Variants in GALNT13 observed in about 807,000 individuals in gnomAD.
The protein encoded by GALNT13 is UDP-GalNAc:polypeptide N-acetylgalactosaminyltransferase 13.
A neutral mutation model predicts 64.2 loss-of-function variants in GALNT13; 28 were observed. That is an observed-to-expected ratio of 0.44 (90% CI 0.32 to 0.60). The LOEUF (loss-of-function observed/expected upper bound fraction) is 0.60, where lower values mean the gene tolerates loss of function less well. Among genes scored for constraint, GALNT13 ranks in the 20% least tolerant of loss-of-function variants. The probability of loss-of-function intolerance (pLI) is 0.05; values close to 1 mark genes in which losing one functional copy is unlikely to be tolerated. For synonymous variants in GALNT13, 214 were observed against 224.6 expected (o/e 0.95, Z 0.42); for missense variants, 577 against 669.8 (o/e 0.86, Z 1.53).
the GALNT13 span, among the ~76,000 whole-genome samples, chr2:153,579,306 A>T: frequency 6.6e-6 from 1 of 152,000 alleles, no homozygotes; most frequent in African/African-American, 2.4e-5. Context: ...TGTATTCCAA[A>T]TTTTCATGAG....
chr2:153,550,301 C>T, the GALNT13 span, among the ~76,000 whole-genome samples: 1 of 151,420 alleles, frequency 6.6e-6, no homozygotes, highest in African/African-American at 2.4e-5. Context: ...GTGGCACCAT[C>T]TCGGCTCACT....
the GALNT13 span, among the ~76,000 whole-genome samples, chr2:153,318,101 A>G: frequency 2.0e-5 from 3 of 148,996 alleles, no homozygotes; most frequent in Admixed American, 2.1e-4. Context: ...AACCTAGGGT[A>G]GGCAAAGATG....
At chr2:153,171,894 G>A in the GALNT13 span, 1 of 152,202 alleles carries the variant, frequency 6.6e-6, no homozygotes, top group Admixed American at 6.5e-5. Context: ...AGCCAGGACT[G>A]ACCATGTAGA....
At chr2:153,382,293 G>A in the GALNT13 span, among the ~76,000 whole-genome samples, 2 of 151,968 alleles carry the variant, frequency 1.3e-5, no homozygotes, top group Non-Finnish European at 2.9e-5. Context: ...AGTAAGCATA[G>A]CACCCAATAG....
At chr2:153,270,635 C>A in the GALNT13 span, among the ~76,000 whole-genome samples, 1 of 152,094 alleles carries the variant, frequency 6.6e-6, no homozygotes, top group Non-Finnish European at 1.5e-5. Flanking sequence ...CCGAGGTGGG[C>A]AGATTGCTTG....
intron 8 of GALNT13, chr2:154,286,808 C>A (rs1692292381): frequency 6.0e-6 from 2 of 334,034 alleles, no homozygotes; most frequent in Non-Finnish European, 1.2e-5. Flanking sequence ...TGTTCTTGAC[C>A]ATGTAATGTG....
intron 9 of GALNT13, among the ~76,000 whole-genome samples, chr2:154,380,687 C>T (rs1037939916): frequency 1.3e-5 from 2 of 151,942 alleles, no homozygotes; most frequent in African/African-American, 4.8e-5. Flanking sequence ...TAAATTGCCA[C>T]GAACTTGGTG....
chr2:153,896,662 T>A (rs563085271), intron 1 of GALNT13, among the ~76,000 whole-genome samples: 1 of 152,186 alleles, frequency 6.6e-6, no homozygotes, highest in South Asian at 2.1e-4. Flanking sequence ...AGGGGTTTGG[T>A]GTACAGATTA....
chr2:153,773,957 T>C, the GALNT13 span, among the ~76,000 whole-genome samples: 32 of 152,288 alleles, frequency 2.1e-4, no homozygotes, highest in East Asian at 5.8e-3. Context: ...ATGAACACTA[T>C]ATTAATGTAC....
chr2:154,003,024 A>G (rs941706311), intron 3 of GALNT13, among the ~76,000 whole-genome samples: 4 of 152,146 alleles, frequency 2.6e-5, no homozygotes, highest in Non-Finnish European at 5.9e-5. Flanking sequence ...TGACACAAAT[A>G]CTTAGGCTTT....
At chr2:154,077,470 C>A (rs1331916602) in intron 3 of GALNT13, among the ~76,000 whole-genome samples, 1 of 151,380 alleles carries the variant, frequency 6.6e-6, no homozygotes, top group Non-Finnish European at 1.5e-5. Context: ...AAAAATTATT[C>A]CATATCATTT....
the GALNT13 span, among the ~76,000 whole-genome samples, chr2:153,415,356 A>C: frequency 2.6e-5 from 4 of 152,152 alleles, no homozygotes; most frequent in African/African-American, 9.7e-5. Context: ...AACCACGGTC[A>C]CATAGGAGAG....
At chr2:153,233,344 A>G in the GALNT13 span, among the ~76,000 whole-genome samples, 1 of 152,006 alleles carries the variant, frequency 6.6e-6, no homozygotes, top group Non-Finnish European at 1.5e-5. Flanking sequence ...TTGTGTTAAT[A>G]TTTTTTATTC....
intron 8 of GALNT13, among the ~76,000 whole-genome samples, chr2:154,276,474 G>T (rs1442026438): frequency 6.6e-6 from 1 of 152,136 alleles, no homozygotes; most frequent in Admixed American, 6.5e-5. Context: ...GACCTCAGGT[G>T]ATCCATCCAC....
the GALNT13 span, among the ~76,000 whole-genome samples, chr2:153,151,111 T>C: frequency 0.019 from 2,950 of 152,238 alleles, 40 homozygotes; most frequent in Middle Eastern, 0.027. Flanking sequence ...CATGGAATGT[T>C]CTTCCATTTG....
chr2:154,328,265 C>G (rs10176531), intron 9 of GALNT13, among the ~76,000 whole-genome samples: 30,048 of 151,978 alleles, frequency 0.2, 3,406 homozygotes, highest in Middle Eastern at 0.37. Context: ...TTGAGTTTAT[C>G]ACACATATGT....
the GALNT13 span, among the ~76,000 whole-genome samples, chr2:153,510,906 A>T: frequency 6.6e-6 from 1 of 151,936 alleles, no homozygotes; most frequent in South Asian, 2.1e-4. Context: ...AAGCAGAAGG[A>T]GAGAGTGGGC....
chr2:154,018,543 AG>A (rs377268675), intron 3 of GALNT13, among the ~76,000 whole-genome samples: 29 of 152,100 alleles, frequency 1.9e-4, no homozygotes, highest in African/African-American at 6.8e-4. Flanking sequence ...CAAACCAGCG[AG>A]AAGATAAGAG....
At chr2:153,367,460 A>G in the GALNT13 span, among the ~76,000 whole-genome samples, 4 of 152,122 alleles carry the variant, frequency 2.6e-5, no homozygotes, top group Non-Finnish European at 5.9e-5. Flanking sequence ...AAGAATGGGA[A>G]CTTTGCAGAT....
Sources: allele counts gnomAD v4.1 joint callset (sites outside exome capture counted in the v4.1 genomes callset), GRCh38; gene constraint gnomAD v4.1.1; transcripts MANE v1.5; gene names NCBI Gene and HGNC (gene_info 2026-07-23, HGNC 2026-07-21).